CCDC22: variants seen among roughly 807,000 people sequenced by gnomAD.
The protein encoded by CCDC22 is coiled-coil domain-containing protein 22.
Under a neutral mutation model 53.1 loss-of-function variants are expected in CCDC22, and 4 were observed. The ratio of observed to expected loss-of-function variants is 0.08; its 90% confidence interval spans 0.04 to 0.17. The LOEUF is 0.17. CCDC22 is among the 10% of genes least tolerant of loss of function. CCDC22 has a pLI of 1.00. For synonymous variants in CCDC22, 222 were observed against 224.4 expected (o/e 0.99, Z 0.10); for missense variants, 458 against 554.0 (o/e 0.83, Z 1.74).
At chrX:49,243,518 G>A (rs2065974723) in intron 6 of CCDC22, 56 bp downstream of exon 6, 2 of 969,930 alleles carry the variant, frequency 2.1e-6, no homozygotes, top group South Asian at 2.5e-5. Context: ...TGACACTCCC[G>A]CTGGTCCTCT....
intron 2 of CCDC22, chrX:49,239,289 T>G: frequency 5.4e-6 from 1 of 186,540 alleles, no homozygotes; most frequent in Non-Finnish European, 8.3e-6. Context: ...CTCTTAACCT[T>G]TTTGAGGCTA....
At chrX:49,242,368 CG>C (rs1448182529) in intron 3 of CCDC22, 4 of 736,316 alleles carry the variant, frequency 5.4e-6, no homozygotes, top group Non-Finnish European at 6.4e-6. Context: ...TGCGTTGGTG[CG>C]GGGAGGGGCC....
intron 3 of CCDC22, among the ~76,000 whole-genome samples, chrX:49,242,554 C>T (rs929734131): frequency 9.0e-6 from 1 of 111,531 alleles, no homozygotes; most frequent in Non-Finnish European, 1.9e-5. Flanking sequence ...TGAGGTTAAC[C>T]TCCTCTCCGC....
At chrX:49,235,861 A>ACACACACACACACACACACACACG (rs1317193784) in intron 1 of CCDC22, among the ~76,000 whole-genome samples, 175 bp downstream of exon 1, 1 of 105,740 alleles carries the variant, frequency 9.5e-6, no homozygotes, top group African/African-American at 3.5e-5. Flanking sequence ...ACACACACAC[A>ACACACACACACACACACACACACG]CACGCACACA....
At chrX:49,240,663 GC>G (rs1267489958) in intron 2 of CCDC22, among the ~76,000 whole-genome samples, 3 of 111,558 alleles carry the variant, frequency 2.7e-5, no homozygotes, top group African/African-American at 9.8e-5. Flanking sequence ...TGTCCCTGTA[GC>G]CCCCCCGCAA....
intron 6 of CCDC22, among the ~76,000 whole-genome samples, chrX:49,244,964 C>T (rs1310582175): frequency 7.3e-5 from 8 of 110,318 alleles, no homozygotes; most frequent in African/African-American, 2.6e-4. Flanking sequence ...CTCTGTCCAC[C>T]TCTGCATCTG....
At chrX:49,240,939 T>C (rs1557113280) in intron 2 of CCDC22, among the ~76,000 whole-genome samples, 1 of 112,593 alleles carries the variant, frequency 8.9e-6, no homozygotes, top group Admixed American at 9.4e-5. Flanking sequence ...TATAGAATAA[T>C]GATGGCTTCT....
chrX:49,249,404 T>C (rs2066011375), intron 14 of CCDC22, 105 bp from the exon 15 acceptor site: 3 of 928,282 alleles, frequency 3.2e-6, no homozygotes, highest in Admixed American at 4.5e-5. Context: ...CTTTGTTTCA[T>C]GGAGGATGAA....
chrX:49,248,469 G>C lies in CCDC22; in HGVS notation c.1275G>C (p.Arg425=). ...TGGCGGGTCAGTGGGAGAAGCACCG[G>C]GTCCCACTCCTCGCTGAGTACCGCC... ...IHLAGQWEKH[R]VPLLAEYRHL... Residue 425 remains arginine, a synonymous_variant, in exon 11 of 17, where the codon CGG becomes CGC. Transcript: ENST00000376227. 8.3e-7 allele frequency: 1 copy of C among 1,210,530 alleles called. No individual in the cohort carries two copies. The highest frequency in any genetic ancestry group is 1.1e-6 in the Non-Finnish European group (1 of 894,994).
At chrX:49,242,470 C>T (rs2065968771) in intron 3 of CCDC22, 3 of 217,982 alleles carry the variant, frequency 1.4e-5, no homozygotes, top group Non-Finnish European at 2.0e-5. Flanking sequence ...CCCCAGTACA[C>T]TCCCGCCTCT....
intron 10 of CCDC22, 34 bp from the exon 11 acceptor site, chrX:49,248,373 C>T: frequency 1.7e-6 from 2 of 1,204,170 alleles, no homozygotes; most frequent in Non-Finnish European, 2.2e-6. Context: ...GTTGGAGGGC[C>T]CAGCCTGTGT....
intron 2 of CCDC22, chrX:49,239,559 G>A (rs1662940587): frequency 2.3e-6 from 1 of 438,323 alleles, no homozygotes; most frequent in South Asian, 1.2e-4. Context: ...ATAGGGGACT[G>A]GGTGGCTAGA....
chrX:49,239,092 C>T (rs1331605417), intron 2 of CCDC22, among the ~76,000 whole-genome samples: 2 of 111,275 alleles, frequency 1.8e-5, no homozygotes, highest in Middle Eastern at 4.6e-3. Context: ...AATTCTCCTG[C>T]CTCAGCCTGC....
In CCDC22 at chrX:49,249,692, C is replaced by T. The variant is rs1557115099; in HGVS notation, c.1737C>T (p.Thr579=). ...QLIQTIEDTG[T]IMREVRDLEE... ...TCCAGACCATCGAGGACACAGGCAC[C>T]ATCATGCGGGAGGTTCGAGACCTCG... is the stretch of plus-strand genomic sequence containing the variant. Residue 579 remains threonine, a synonymous_variant, in exon 16 of 17, where the codon ACC becomes ACT. Coordinates refer to ENST00000376227, the MANE Select transcript of CCDC22 (RefSeq NM_014008.5). 6.6e-6 allele frequency: 8 copies of T among 1,208,508 alleles called. No homozygotes were observed. The Admixed American group carries it at 1.7e-4, about 26-fold the overall frequency.
At chrX:49,248,148 C>T (rs2066000618) in intron 9 of CCDC22, 43 bp from the exon 10 acceptor site, 8 of 1,198,247 alleles carry the variant, frequency 6.7e-6, no homozygotes, top group Non-Finnish European at 8.9e-6. Context: ...ATCTGTGGAG[C>T]TCCATGGGGG....
chrX:49,235,884 C>A (rs1289623674), intron 1 of CCDC22, among the ~76,000 whole-genome samples, 198 bp downstream of exon 1: 1 of 108,928 alleles, frequency 9.2e-6, no homozygotes, highest in African/African-American at 3.4e-5. Context: ...CACCGCCCTC[C>A]CTGACACCGA....
In CCDC22 at chrX:49,247,512, C is replaced by A. The variant is rs183877705; in HGVS notation, c.926C>A (p.Ala309Asp). 106 of 1,196,386 alleles carry A rather than the reference C, an allele frequency of 8.9e-5. 3 individuals carry two copies. In the African/African-American group the frequency reaches 9.5e-4, roughly 11 times the overall value. ...FTFHLEPQAQ[A>D]TQVSDVPATS... ...TCCCCTTAGGAGCCCCAGGCCCAGG[C>A]CACTCAGGTGTCAGATGTGCCAGCC... The change falls in exon 8 of 17, where the codon GCC becomes GAC. Residue 309 changes from alanine to aspartate, a missense_variant. Ala to Asp is a moderately radical substitution (Grantham distance 126). Transcript: ENST00000376227.
At position 49,242,330 on chromosome X, in the gene CCDC22, G is replaced by A. The variant is rs1557113480; in HGVS notation, c.361+182G>A. 16 of 749,520 alleles carry A rather than the reference G, an allele frequency of 2.1e-5. No homozygotes were observed. The Admixed American group carries it at 3.5e-4, about 16-fold the overall frequency. 61.8% of individuals were successfully genotyped at this position (749,520 alleles called of 1,213,427 possible). A position where few individuals can be genotyped will look rare whatever the true frequency, so the allele number is the denominator to read the frequency against. ...AGAGGGGCTACAGGGCAGGGGGCAG[G>A]GGGCTGAGGTTGAGCTGACCCCGGT... On this transcript the variant is annotated intron_variant, in intron 3 of 16. Transcript: ENST00000376227.
chrX:49,247,582 G>A, intron 8 of CCDC22, 24 bp downstream of exon 8: 1 of 1,190,475 alleles, frequency 8.4e-7, no homozygotes, highest in Non-Finnish European at 1.1e-6. Context: ...TTTGGAGGGG[G>A]GTGTCCCAGG....
Sources: gnomAD v4.1 joint callset for allele counts (sites outside exome capture counted in the v4.1 genomes callset) on GRCh38, gnomAD v4.1.1 for gene constraint, MANE v1.5 for transcripts, NCBI Gene and HGNC (gene_info 2026-07-23, HGNC 2026-07-21) for gene names.